The following CACNB2 variants were observed in gnomAD, a reference collection of about 807,000 sequenced individuals.
CACNB2 encodes the protein calcium voltage-gated channel auxiliary subunit beta 2, also known as voltage-dependent L-type calcium channel subunit beta-2.
Under a neutral mutation model 73.3 loss-of-function variants are expected in CACNB2, and 42 were observed. The observed-to-expected ratio is 0.57, with a 90% CI of 0.45 to 0.74. The LOEUF (loss-of-function observed/expected upper bound fraction) is 0.74. Ranked by LOEUF, CACNB2 falls within the 30% of genes least tolerant of loss-of-function variation. The pLI is 0.00. For synonymous variants in CACNB2, 348 were observed against 310.3 expected (o/e 1.12, Z -1.28); for missense variants, 940 against 853.0 (o/e 1.10, Z -1.27).
At chr10:18,150,115 A>G (rs114181448) in intron 1 of CACNB2, among the ~76,000 whole-genome samples, 2,590 of 152,320 alleles carry the variant, frequency 0.017, 76 homozygotes, top group African/African-American at 0.059. Context: ...TATGCTTAGA[A>G]TTAAACATAG....
intron 2 of CACNB2, among the ~76,000 whole-genome samples, chr10:18,236,681 C>T (rs2131479405): frequency 6.6e-6 from 1 of 152,252 alleles, no homozygotes; most frequent in East Asian, 1.9e-4. Flanking sequence ...AAAAGTAGTT[C>T]CCCCAAAATG....
chr10:18,260,503 A>G (rs1365031130), intron 2 of CACNB2: 1 of 985,318 alleles, frequency 1.0e-6, no homozygotes, highest in Non-Finnish European at 1.2e-6. Context: ...TCCTGAGGCC[A>G]CTCTGGCGAT....
In CACNB2 at chr10:18,518,966, G is replaced by A. The variant is rs1589647898; in HGVS notation, c.942G>A (p.Gly314=). The change falls in exon 9 of 14, where the codon GGG becomes GGA. Residue 314 remains glycine, a splice_region_variant and synonymous_variant. Coordinates refer to ENST00000324631, the MANE Select transcript of CACNB2 (RefSeq NM_201596.3). ...ATTTTTTAAAACACAGATTTGAAGG[G>A]CGGTGAGTATTTCAGCATACTGGGT... ...LFDFLKHRFE[G]RISITRVTAD... is the part of the protein sequence containing the mutation. 1.9e-6 allele frequency: 3 copies of A among 1,613,592 alleles called. No homozygotes were observed. The highest frequency in any genetic ancestry group is 2.5e-6 in the Non-Finnish European group (3 of 1,179,594).
chr10:18,333,561 T>G (rs1429328239), intron 2 of CACNB2, among the ~76,000 whole-genome samples: 1 of 152,256 alleles, frequency 6.6e-6, no homozygotes, highest in Non-Finnish European at 1.5e-5. Context: ...TTTCCTACTT[T>G]TATTTTTTGA....
chr10:18,383,511 C>T (rs753969873), intron 2 of CACNB2, among the ~76,000 whole-genome samples: 4 of 152,104 alleles, frequency 2.6e-5, no homozygotes, highest in Non-Finnish European at 5.9e-5. Flanking sequence ...AGAGCAATAT[C>T]GTCTTCATGT....
At chr10:18,426,874 T>C (rs1025950114) in intron 3 of CACNB2, among the ~76,000 whole-genome samples, 5 of 152,022 alleles carry the variant, frequency 3.3e-5, no homozygotes, top group African/African-American at 7.2e-5. Flanking sequence ...GTTAAGGAAG[T>C]TTTCTTCTAT....
At chr10:18,180,451 C>CT (rs75790306) in intron 2 of CACNB2, among the ~76,000 whole-genome samples, 17,059 of 145,050 alleles carry the variant, frequency 0.12, 1,021 homozygotes, top group East Asian at 0.25. Flanking sequence ...GTAAGGCTGC[C>CT]TTTTTTTTTT....
intron 2 of CACNB2, among the ~76,000 whole-genome samples, chr10:18,202,281 T>A (rs1027115065): frequency 6.6e-6 from 1 of 152,212 alleles, no homozygotes; most frequent in Non-Finnish European, 1.5e-5. Flanking sequence ...AGCAGAACTG[T>A]GAAGGTTATC....
At chr10:18,192,775 G>A (rs112761811) in intron 2 of CACNB2, among the ~76,000 whole-genome samples, 27 of 152,176 alleles carry the variant, frequency 1.8e-4, no homozygotes, top group African/African-American at 6.0e-4. Context: ...TTTATGTAGC[G>A]TAATTTTTTA....
At chr10:18,384,736 A>G (rs1319306326) in intron 2 of CACNB2, among the ~76,000 whole-genome samples, 3 of 149,942 alleles carry the variant, frequency 2.0e-5, no homozygotes, top group Non-Finnish European at 4.4e-5. Context: ...TCTCAAAACA[A>G]CAACAACAAA....
intron 3 of CACNB2, among the ~76,000 whole-genome samples, chr10:18,405,218 T>A (rs1414798735): frequency 6.6e-6 from 1 of 152,192 alleles, no homozygotes; most frequent in Admixed American, 6.5e-5. Flanking sequence ...AGCATTCTCA[T>A]TGCCCCATAA....
rs756333439 is a variant in CACNB2, at chr10:18,539,771, T to TAAC, written c.*48_*50dup. On this transcript the variant is annotated 3_prime_UTR_variant, in exon 14 of 14. Coordinates refer to ENST00000324631, the MANE Select transcript of CACNB2 (RefSeq NM_201596.3). ...TTTTTTTTTTTTTTGAAGTCTTGTA[T>TAAC]AACTAACAGCATCCCCAAAACAAAG... 4.5e-6 allele frequency: 7 copies of TAAC among 1,556,100 alleles called. No homozygotes were observed. The Admixed American group carries it at 5.7e-5, about 13-fold the overall frequency.
chr10:18,272,714 A>C (rs759170317), intron 2 of CACNB2, among the ~76,000 whole-genome samples: 1 of 152,210 alleles, frequency 6.6e-6, no homozygotes, highest in South Asian at 2.1e-4. Context: ...ATCCGCCGCC[A>C]TGTAAGATGT....
At chr10:18,153,796 G>A (rs2031805653) in intron 2 of CACNB2, among the ~76,000 whole-genome samples, 1 of 148,766 alleles carries the variant, frequency 6.7e-6, no homozygotes, top group Non-Finnish European at 1.5e-5. Context: ...TGGCGAGGCT[G>A]GTCTCGAACT....
intron 2 of CACNB2, among the ~76,000 whole-genome samples, chr10:18,298,500 G>A (rs189678539): frequency 1.6e-3 from 249 of 152,336 alleles, no homozygotes; most frequent in Non-Finnish European, 2.9e-3. Context: ...AGGTGAGGCC[G>A]TAAGGGCCCA....
intron 2 of CACNB2, among the ~76,000 whole-genome samples, chr10:18,326,181 AAT>A (rs72336794): frequency 0.18 from 27,983 of 152,160 alleles, 2,659 homozygotes; most frequent in Middle Eastern, 0.3. Flanking sequence ...AACAGAAAAA[AAT>A]AAAGCAGTTT....
intron 1 of CACNB2, among the ~76,000 whole-genome samples, chr10:18,146,919 G>A (rs1179368017): frequency 6.6e-6 from 1 of 152,072 alleles, no homozygotes; most frequent in Non-Finnish European, 1.5e-5. Context: ...CACCGTGCCC[G>A]GCCTAATTTT....
chr10:18,364,378 G>A (rs1161173738), intron 2 of CACNB2, among the ~76,000 whole-genome samples: 1 of 150,462 alleles, frequency 6.6e-6, no homozygotes, highest in Non-Finnish European at 1.5e-5. Context: ...TCGGCTCATT[G>A]TAACTTCCGT....
intron 2 of CACNB2, among the ~76,000 whole-genome samples, chr10:18,154,852 A>T (rs1299246962): frequency 6.6e-6 from 1 of 152,224 alleles, no homozygotes; most frequent in Non-Finnish European, 1.5e-5. Flanking sequence ...AGGAGGCAGC[A>T]GTCCGCAAGC....
Sources: allele counts gnomAD v4.1 joint callset (sites outside exome capture counted in the v4.1 genomes callset), GRCh38; gene constraint gnomAD v4.1.1; transcripts MANE v1.5; gene names NCBI Gene and HGNC (gene_info 2026-07-23, HGNC 2026-07-21).